DNAJC13: variants seen among roughly 807,000 people sequenced by gnomAD.
The protein encoded by DNAJC13 is DnaJ heat shock protein family (Hsp40) member C13.
Under a neutral mutation model 290.5 loss-of-function variants are expected in DNAJC13, and 75 were observed. The ratio of observed to expected loss-of-function variants is 0.26; its 90% CI spans 0.21 to 0.31. DNAJC13 has a LOEUF of 0.31. DNAJC13 is among the 10% of genes least tolerant of loss of function. The pLI is 1.00. For synonymous variants in DNAJC13, 862 were observed against 892.0 expected, an observed-to-expected ratio of 0.97 and a Z score of 0.60; for missense variants, 2,260 against 2,674.5, an observed-to-expected ratio of 0.85 and a Z score of 3.42.
intron 48 of DNAJC13, among the ~76,000 whole-genome samples, chr3:132,518,254 A>G (rs1191876006): frequency 6.6e-6 from 1 of 152,218 alleles, no homozygotes; most frequent in Non-Finnish European, 1.5e-5. Context: ...GTGAGGGACA[A>G]ATTTTATCAA....
At chr3:132,455,758 T>C (rs1933576469) in intron 9 of DNAJC13, among the ~76,000 whole-genome samples, 1 of 152,196 alleles carries the variant, frequency 6.6e-6, no homozygotes, top group Non-Finnish European at 1.5e-5. Flanking sequence ...TATAATTCTG[T>C]TTTTATGAAG....
intron 28 of DNAJC13, 85 bp from the exon 29 acceptor site, chr3:132,484,503 T>C (rs1443783712): frequency 8.0e-7 from 1 of 1,252,962 alleles, no homozygotes; most frequent in African/African-American, 1.5e-5. Flanking sequence ...GGTAACCTGC[T>C]TCATGCCTAG....
rs1475395439 is a variant in DNAJC13, at chr3:132,522,805, C to T, written c.5674-23C>T. 1.9e-6 allele frequency: 3 copies of T among 1,569,810 alleles called. No homozygotes were observed. In the South Asian group the frequency reaches 3.6e-5, roughly 19 times the overall value. Reference sequence around the variant, plus strand: ...AGGTGTTTCCAATAGGTGTCTTTTTCATTCTCAAACTTCCTCGTATAGGTT... The same window carrying T: ...AGGTGTTTCCAATAGGTGTCTTTTTTATTCTCAAACTTCCTCGTATAGGTT... On this transcript the variant is annotated intron_variant, in intron 48 of 55. Transcript: ENST00000260818.
intron 46 of DNAJC13, 74 bp downstream of exon 46, chr3:132,514,744 C>A (rs980166489): frequency 5.9e-6 from 6 of 1,018,328 alleles, no homozygotes; most frequent in Admixed American, 2.0e-5. Context: ...ATAGTTGATA[C>A]AAAACCTCAA....
chr3:132,451,514 C>T (rs1429892489), intron 6 of DNAJC13, among the ~76,000 whole-genome samples: 1 of 152,078 alleles, frequency 6.6e-6, no homozygotes, highest in Admixed American at 6.6e-5. Context: ...CCCTGTTAAT[C>T]AGTAATAGAA....
intron 1 of DNAJC13, among the ~76,000 whole-genome samples, chr3:132,419,735 G>A (rs964943500): frequency 5.3e-5 from 8 of 152,276 alleles, no homozygotes; most frequent in African/African-American, 1.7e-4. Context: ...CACAAATTTG[G>A]TTGCTACAAA....
chr3:132,466,510 G>C, intron 19 of DNAJC13, 116 bp downstream of exon 19: 1 of 730,912 alleles, frequency 1.4e-6, no homozygotes, highest in Non-Finnish European at 2.0e-6. Flanking sequence ...GCATTGAATA[G>C]TATACTTAAC....
chr3:132,492,086 A>G (rs1470008549), intron 32 of DNAJC13, among the ~76,000 whole-genome samples: 2 of 152,218 alleles, frequency 1.3e-5, no homozygotes, highest in Admixed American at 6.5e-5. Context: ...TCTTTGGATA[A>G]TAGCCAGTTT....
intron 20 of DNAJC13, among the ~76,000 whole-genome samples, chr3:132,470,821 G>T (rs1300255695): frequency 2.2e-5 from 3 of 135,160 alleles, no homozygotes; most frequent in African/African-American, 8.7e-5. Context: ...TCCTGGACAG[G>T]GCGGCTGGCC....
In DNAJC13 at chr3:132,494,733, A is replaced by G. The variant is rs11928192; in HGVS notation, c.3942-355A>G. 6.3e-3 allele frequency among the ~76,000 whole-genome samples: 958 copies of G among 152,284 alleles called. 8 individuals carry two copies. The highest frequency in any genetic ancestry group is 0.022 in the African/African-American group (904 of 41,560). On this transcript the variant is annotated intron_variant, in intron 34 of 55. Coordinates refer to ENST00000260818, the MANE Select transcript of DNAJC13 (RefSeq NM_015268.4). ...AAACTTAAGTATAGACTAAAACTGT[A>G]TATTTTGGCAAGACTGATATAATAA...
Position 132,494,129 on chromosome 3 carries a change from T to A in DNAJC13, c.3826-15T>A, listed in dbSNP as rs760466270. The A allele has an allele frequency of 6.6e-7, 1 of 1,516,650 alleles. No individual in the cohort carries two copies. Among genetic ancestry groups the A allele is most frequent in the South Asian group, 1.2e-5 (1 of 82,948 alleles). The allele number at this position is 1,516,650 out of a possible 1,614,324, so 93.9% of individuals were successfully genotyped here. On this transcript the variant is annotated splice_polypyrimidine_tract_variant and intron_variant, in intron 33 of 55. Coordinates refer to ENST00000260818, the MANE Select transcript of DNAJC13 (RefSeq NM_015268.4). The stretch of plus-strand genomic sequence containing the variant: ...AGTTTTACTTTGATATAAATTTTAA[T>A]CTTTTGTCTTTAAGGTTAAGCTTCT...
chr3:132,496,067 C>G (rs1003612167), intron 35 of DNAJC13, among the ~76,000 whole-genome samples: 87 of 152,168 alleles, frequency 5.7e-4, no homozygotes, highest in African/African-American at 1.8e-3. Context: ...GCTCTGCCAC[C>G]AGTTGATTTT....
At chr3:132,425,737 CCTT>C (rs1345836147) in intron 1 of DNAJC13, among the ~76,000 whole-genome samples, 2 of 152,070 alleles carry the variant, frequency 1.3e-5, no homozygotes, top group East Asian at 1.9e-4. Context: ...TAATGCCAAT[CCTT>C]CTTTCACTAG....
At chr3:132,492,764 G>A in intron 33 of DNAJC13, 149 bp downstream of exon 33, 1 of 661,994 alleles carries the variant, frequency 1.5e-6, no homozygotes, top group Non-Finnish European at 2.5e-6. Context: ...TCTGAGTATA[G>A]TTTATTATAT....
chr3:132,522,791 A>G (rs1256818311), intron 48 of DNAJC13, 37 bp from the exon 49 acceptor site: 7 of 1,535,572 alleles, frequency 4.6e-6, no homozygotes, highest in Non-Finnish European at 6.2e-6. Context: ...GGTGTTTCCA[A>G]TAGGTGTCTT....
intron 55 of DNAJC13, among the ~76,000 whole-genome samples, chr3:132,536,881 C>T (rs1936607720): frequency 6.6e-6 from 1 of 152,136 alleles, no homozygotes; most frequent in Non-Finnish European, 1.5e-5. Context: ...GTAAGTTCTA[C>T]AAGTACAAGG....
chr3:132,517,662 A>G (rs1935956962), intron 48 of DNAJC13, among the ~76,000 whole-genome samples: 1 of 152,178 alleles, frequency 6.6e-6, no homozygotes. Context: ...GCAAGTCCAC[A>G]AAGGCACTTT....
At chr3:132,473,914 C>A (rs1377938860) in intron 21 of DNAJC13, among the ~76,000 whole-genome samples, 2 of 152,148 alleles carry the variant, frequency 1.3e-5, no homozygotes, top group South Asian at 4.1e-4. Flanking sequence ...AGTTGTGTTG[C>A]GCCCCATAGA....
intron 26 of DNAJC13, 69 bp from the exon 27 acceptor site, chr3:132,482,157 T>G: frequency 7.4e-7 from 1 of 1,352,912 alleles, no homozygotes. Flanking sequence ...GCTGTGCAAC[T>G]TTGTTTTACG....
Sources: allele counts gnomAD v4.1 joint callset (sites outside exome capture counted in the v4.1 genomes callset), GRCh38; gene constraint gnomAD v4.1.1; transcripts MANE v1.5; gene names NCBI Gene and HGNC (gene_info 2026-07-23, HGNC 2026-07-21).